The following CCDC158 variants were observed in gnomAD, a reference collection of about 807,000 sequenced individuals.
CCDC158 encodes the protein coiled-coil domain containing 158, also known as coiled-coil domain-containing protein 158.
In CCDC158, 116 loss-of-function variants were observed where a neutral mutation model predicts 138.6. The observed-to-expected ratio is 0.84, with a 90% CI of 0.72 to 0.98. CCDC158 has a LOEUF of 0.98. Ranked by LOEUF, CCDC158 falls within the 50% of genes least tolerant of loss-of-function variation. The pLI is 0.00. For synonymous variants in CCDC158, 436 were observed against 442.4 expected (o/e 0.99, Z 0.18); for missense variants, 1,265 against 1,306.1 (o/e 0.97, Z 0.48).
intron 24 of CCDC158, among the ~76,000 whole-genome samples, chr4:76,321,422 G>T (rs1036510512): frequency 3.3e-5 from 5 of 151,814 alleles, no homozygotes; most frequent in African/African-American, 1.2e-4. Flanking sequence ...TGGAGGAAAA[G>T]AAGTCATTAT....
intron 4 of CCDC158, among the ~76,000 whole-genome samples, chr4:76,391,909 A>C (rs1223547128): frequency 1.3e-5 from 2 of 152,026 alleles, no homozygotes; most frequent in Non-Finnish European, 2.9e-5. Context: ...TGAACTGGAA[A>C]CATCTAGAAG....
chr4:76,345,179 G>T, intron 18 of CCDC158: 1 of 985,122 alleles, frequency 1.0e-6, no homozygotes, highest in Admixed American at 1.7e-5. Flanking sequence ...ACCTATTGAA[G>T]GTTGCTGTGC....
In CCDC158 at chr4:76,355,467, T is replaced by G. The variant is rs770875014; in HGVS notation, c.2174-31A>C. The G allele has an allele frequency of 3.6e-6, 5 of 1,399,376 alleles. No homozygotes were observed. The South Asian group carries it at 5.8e-5, about 16-fold the overall frequency. 86.7% of individuals were successfully genotyped at this position (1,399,376 alleles called of 1,614,324 possible). A position where few individuals can be genotyped will look rare whatever the true frequency, so the allele number is the denominator to read the frequency against. On this transcript the variant is annotated intron_variant, in intron 14 of 24. Coordinates refer to ENST00000682701, the MANE Select transcript of CCDC158 (RefSeq NM_001394954.1). Reference sequence around the variant, plus strand: ...AAAAAAAAAGAGGCAAACTATGCCTTAGGTTCTTAAGTTTGAGAGACTATG... The same window carrying G: ...AAAAAAAAAGAGGCAAACTATGCCTGAGGTTCTTAAGTTTGAGAGACTATG...
At chr4:76,337,161 T>G (rs1162677863) in intron 18 of CCDC158, among the ~76,000 whole-genome samples, 1 of 152,104 alleles carries the variant, frequency 6.6e-6, no homozygotes, top group African/African-American at 2.4e-5. Context: ...TGGGTTTTTT[T>G]GTATTTTTTG....
At chr4:76,316,313 C>T (rs911482247) in intron 24 of CCDC158, among the ~76,000 whole-genome samples, 2 of 152,208 alleles carry the variant, frequency 1.3e-5, no homozygotes, top group African/African-American at 4.8e-5. Context: ...ATACAAAATG[C>T]ACTGGAAAGT....
At chr4:76,326,108 T>C in intron 22 of CCDC158, 93 bp from the exon 23 acceptor site, 1 of 1,018,052 alleles carries the variant, frequency 9.8e-7, no homozygotes, top group Non-Finnish European at 1.5e-6. Flanking sequence ...TGAGAAAATG[T>C]TCCCAATGGT....
chr4:76,370,810 C>G (rs996867309), intron 10 of CCDC158, among the ~76,000 whole-genome samples: 2 of 152,174 alleles, frequency 1.3e-5, no homozygotes, highest in African/African-American at 4.8e-5. Flanking sequence ...TCAGTTCTAT[C>G]CTTACCTCAG....
At position 76,337,502 on chromosome 4, in the gene CCDC158, C is replaced by T. The variant is rs992064846; in HGVS notation, c.2665-3335G>A. On this transcript the variant is annotated intron_variant, in intron 18 of 24. Coordinates refer to ENST00000682701, the MANE Select transcript of CCDC158 (RefSeq NM_001394954.1). The stretch of plus-strand genomic sequence containing the variant: ...GTCCTAGCACTCCGGGAGGCCAAGG[C>T]GGGTGGATCACCTAGGTCAGGAGCT... Among the ~76,000 whole-genome samples, 3 of 152,180 alleles carry T rather than the reference C, an allele frequency of 2.0e-5. No individual in the cohort carries two copies. The South Asian group carries it at 6.2e-4, about 32-fold the overall frequency.
chr4:76,368,104 T>G (rs1322786321), intron 11 of CCDC158, among the ~76,000 whole-genome samples: 1 of 152,136 alleles, frequency 6.6e-6, no homozygotes, highest in Non-Finnish European at 1.5e-5. Flanking sequence ...GACTGACATA[T>G]GCTAATTAGA....
chr4:76,355,885 AT>A (rs1300076093), intron 14 of CCDC158, among the ~76,000 whole-genome samples: 4 of 151,056 alleles, frequency 2.6e-5, no homozygotes, highest in Non-Finnish European at 5.9e-5. Context: ...TACTAAAATG[AT>A]TTTTCAAGAA....
chr4:76,330,679 A>G (rs1299001033), intron 21 of CCDC158, among the ~76,000 whole-genome samples: 2 of 152,182 alleles, frequency 1.3e-5, no homozygotes, highest in Non-Finnish European at 2.9e-5. Flanking sequence ...CAATATAACA[A>G]CTATTTACAT....
chr4:76,327,655 CT>C, intron 22 of CCDC158, among the ~76,000 whole-genome samples: 1 of 152,276 alleles, frequency 6.6e-6, no homozygotes, highest in African/African-American at 2.4e-5. Context: ...CTATTATAAT[CT>C]TATGGGACCT....
At chr4:76,341,494 A>G (rs1722041837) in intron 18 of CCDC158, among the ~76,000 whole-genome samples, 1 of 152,342 alleles carries the variant, frequency 6.6e-6, no homozygotes, top group African/African-American at 2.4e-5. Context: ...CATTGCTAAA[A>G]ATCTTGCCCA....
At chr4:76,415,903 G>T (rs1376012079) in intron 1 of CCDC158, among the ~76,000 whole-genome samples, 1 of 152,144 alleles carries the variant, frequency 6.6e-6, no homozygotes, top group Non-Finnish European at 1.5e-5. Context: ...AATTTCCCCG[G>T]GGGAGTTTAG....
chr4:76,327,458 T>C (rs1270396261), intron 22 of CCDC158, among the ~76,000 whole-genome samples: 1 of 152,174 alleles, frequency 6.6e-6, no homozygotes, highest in Admixed American at 6.5e-5. Context: ...ACAGGCTATA[T>C]GGTATAGCTT....
chr4:76,314,737 C>T (rs750351182), intron 24 of CCDC158, among the ~76,000 whole-genome samples: 5 of 152,156 alleles, frequency 3.3e-5, no homozygotes, highest in South Asian at 4.1e-4. Context: ...TTCTCCAGCT[C>T]GAGCCCAGGG....
intron 18 of CCDC158, chr4:76,345,159 A>G: frequency 2.9e-6 from 3 of 1,030,898 alleles, no homozygotes; most frequent in Non-Finnish European, 4.6e-6. Context: ...GCCCACAGTC[A>G]TCAAAAAGTA....
In CCDC158 at chr4:76,348,267, A is replaced by AC. The variant is rs1256880049; in HGVS notation, c.2664+2728dup. Among the ~76,000 whole-genome samples the AC allele has an allele frequency of 1.9e-3, 100 of 51,842 alleles. No individual in the cohort carries two copies. The Middle Eastern group carries it at 0.026, about 14-fold the overall frequency. The allele number at this position is 51,842 out of a possible 152,430, so 34.0% of individuals were successfully genotyped here. ...GTGAAACCCCGTCTCTACTAAATATACAAAAAAAAAAAAAAAAATTAGCCA... is the reference window on the plus strand; with the variant it reads ...GTGAAACCCCGTCTCTACTAAATATACCAAAAAAAAAAAAAAAAATTAGCCA... On this transcript the variant is annotated intron_variant, in intron 18 of 24. Transcript: ENST00000682701.
chr4:76,416,437 G>C (rs1266704174), intron 1 of CCDC158, among the ~76,000 whole-genome samples: 1 of 152,156 alleles, frequency 6.6e-6, no homozygotes, highest in African/African-American at 2.4e-5. Flanking sequence ...ACCCTGTGGG[G>C]CTGGACTCTA....
Sources: allele counts gnomAD v4.1 joint callset (sites outside exome capture counted in the v4.1 genomes callset), GRCh38; gene constraint gnomAD v4.1.1; transcripts MANE v1.5; gene names NCBI Gene and HGNC (gene_info 2026-07-23, HGNC 2026-07-21).